TXNDC16: variants seen among roughly 807,000 people sequenced by gnomAD.
The protein encoded by TXNDC16 is thioredoxin domain containing 16, also known as thioredoxin domain-containing protein 16.
TXNDC16 carries 74 observed loss-of-function variants against 85.6 expected under a neutral mutation model. The ratio of observed to expected loss-of-function variants is 0.86; its 90% CI spans 0.72 to 1.05. The LOEUF is 1.05. TXNDC16 is among the 50% of genes least tolerant of loss of function. TXNDC16 has a pLI of 0.00. For missense variants in TXNDC16, 959 were observed against 947.0 expected, an observed-to-expected ratio of 1.01 and a Z score of -0.17; for synonymous variants, 335 against 326.5, an observed-to-expected ratio of 1.03 and a Z score of -0.28.
intron 8 of TXNDC16, among the ~76,000 whole-genome samples, chr14:52,513,458 T>C (rs1017019220): frequency 7.2e-5 from 11 of 152,146 alleles, no homozygotes; most frequent in Admixed American, 5.9e-4. Flanking sequence ...GGATGACTCA[T>C]CACCATCTTG....
chr14:52,521,954 G>A (rs981348600), intron 6 of TXNDC16, among the ~76,000 whole-genome samples: 4 of 152,102 alleles, frequency 2.6e-5, no homozygotes, highest in Non-Finnish European at 4.4e-5. Flanking sequence ...TTATATTACT[G>A]ACCACTTATA....
chr14:52,481,140 A>G (rs1004224111), intron 14 of TXNDC16, among the ~76,000 whole-genome samples: 2 of 151,852 alleles, frequency 1.3e-5, no homozygotes, highest in East Asian at 1.9e-4. Flanking sequence ...GAGCTAAGCT[A>G]TGAGGATGCA....
chr14:52,454,702 G>A (rs1046095965), intron 18 of TXNDC16, among the ~76,000 whole-genome samples: 1 of 146,914 alleles, frequency 6.8e-6, no homozygotes, highest in East Asian at 2.0e-4. Flanking sequence ...TGTAATCCCA[G>A]CTACTTGGGA....
At chr14:52,500,486 TGAGTATA>T (rs2036631231) in intron 9 of TXNDC16, among the ~76,000 whole-genome samples, 1 of 152,176 alleles carries the variant, frequency 6.6e-6, no homozygotes, top group African/African-American at 2.4e-5. Context: ...GTGTGTTCAA[TGAGTATA>T]GAGTTTCAGT....
At chr14:52,506,835 C>T (rs1291126650) in intron 9 of TXNDC16, among the ~76,000 whole-genome samples, 18 of 147,912 alleles carry the variant, frequency 1.2e-4, no homozygotes, top group Non-Finnish European at 2.1e-4. Flanking sequence ...GGATTACAGG[C>T]GTGAGCCACC....
At chr14:52,482,341 T>C (rs1489813718) in intron 13 of TXNDC16, 52 bp from the exon 14 acceptor site, 3 of 1,421,254 alleles carry the variant, frequency 2.1e-6, no homozygotes, top group Non-Finnish European at 3.0e-6. Context: ...CTACAAAGCA[T>C]CCACACTGAT....
intron 12 of TXNDC16, among the ~76,000 whole-genome samples, chr14:52,485,070 A>G (rs997977263): frequency 6.6e-6 from 1 of 152,214 alleles, no homozygotes; most frequent in African/African-American, 2.4e-5. Context: ...GTGTTCTAAA[A>G]GAAGGCACTA....
chr14:52,522,696 T>C (rs1191060509), intron 6 of TXNDC16, among the ~76,000 whole-genome samples: 5 of 152,192 alleles, frequency 3.3e-5, no homozygotes, highest in Admixed American at 1.3e-4. Flanking sequence ...ATTTTCACTG[T>C]ATGCAGAGCT....
intron 14 of TXNDC16, among the ~76,000 whole-genome samples, chr14:52,473,334 A>T (rs1449314010): frequency 1.3e-5 from 2 of 152,164 alleles, no homozygotes; most frequent in Non-Finnish European, 2.9e-5. Flanking sequence ...ATCAATAAAC[A>T]TCTGGTGATG....
chr14:52,521,336 T>A (rs891370485), intron 6 of TXNDC16, among the ~76,000 whole-genome samples: 4 of 151,370 alleles, frequency 2.6e-5, no homozygotes, highest in African/African-American at 9.7e-5. Flanking sequence ...TTGGCCAGGC[T>A]GGTCTCAAAC....
At chr14:52,546,895 C>G (rs2037951791) in intron 1 of TXNDC16, among the ~76,000 whole-genome samples, 1 of 152,120 alleles carries the variant, frequency 6.6e-6, no homozygotes, top group Non-Finnish European at 1.5e-5. Flanking sequence ...AGCAAGTGAC[C>G]CACATTAATA....
chr14:52,470,735 C>A, intron 14 of TXNDC16, 55 bp from the exon 15 acceptor site: 1 of 1,499,846 alleles, frequency 6.7e-7, no homozygotes, highest in Non-Finnish European at 9.0e-7. Flanking sequence ...AATGCATTTG[C>A]TTAGGATCTT....
At chr14:52,471,834 C>T (rs925783669) in intron 14 of TXNDC16, among the ~76,000 whole-genome samples, 1 of 151,466 alleles carries the variant, frequency 6.6e-6, no homozygotes, top group African/African-American at 2.4e-5. Flanking sequence ...TATAATAAAA[C>T]GTGTAAAGTT....
intron 1 of TXNDC16, among the ~76,000 whole-genome samples, chr14:52,545,560 T>G (rs2037924203): frequency 6.6e-6 from 1 of 152,144 alleles, no homozygotes; most frequent in Admixed American, 6.5e-5. Context: ...CCATAACAAC[T>G]GTTGAGAGAA....
chr14:52,540,299 C>T (rs138126506), intron 4 of TXNDC16, among the ~76,000 whole-genome samples: 1 of 152,304 alleles, frequency 6.6e-6, no homozygotes, highest in Non-Finnish European at 1.5e-5. Context: ...TGACTTTCCA[C>T]CTCAAAAATC....
chr14:52,499,608 T>C (rs1466408947), intron 9 of TXNDC16, among the ~76,000 whole-genome samples: 1 of 136,562 alleles, frequency 7.3e-6, no homozygotes, highest in East Asian at 2.2e-4. Flanking sequence ...ATGGCCACTA[T>C]CAAAAAAAAA....
chr14:52,493,215 A>AT (rs1555338294), intron 9 of TXNDC16, among the ~76,000 whole-genome samples: 1 of 120,960 alleles, frequency 8.3e-6, no homozygotes, highest in African/African-American at 3.0e-5. Flanking sequence ...ATATATATAT[A>AT]TACACACACA....
Position 52,511,237 on chromosome 14 carries a change from T to C in TXNDC16, c.756+3A>G, listed in dbSNP as rs1329121115. The C allele has an allele frequency of 2.6e-6, 4 of 1,552,038 alleles. No homozygotes were observed. The African/African-American group carries it at 5.4e-5, about 21-fold the overall frequency. ...AAATAAAAATATAAAATAAGACACATACCAACAGAGGTGCTTTCATTGTCT... is the reference window on the plus strand; with the variant it reads ...AAATAAAAATATAAAATAAGACACACACCAACAGAGGTGCTTTCATTGTCT... On this transcript the variant is annotated splice_donor_region_variant and intron_variant, in intron 9 of 20. Transcript: ENST00000281741.
intron 8 of TXNDC16, among the ~76,000 whole-genome samples, chr14:52,513,881 G>A (rs1034413815): frequency 2.0e-5 from 3 of 151,984 alleles, no homozygotes; most frequent in South Asian, 2.1e-4. Flanking sequence ...GAGAAACTGC[G>A]GGGCTAGCAT....
Sources: allele counts gnomAD v4.1 joint callset (sites outside exome capture counted in the v4.1 genomes callset), GRCh38; gene constraint gnomAD v4.1.1; transcripts MANE v1.5; gene names NCBI Gene and HGNC (gene_info 2026-07-23, HGNC 2026-07-21).